IL16: variants seen among roughly 807,000 people sequenced by gnomAD.
IL16 encodes interleukin 16.
Under a neutral mutation model 110.1 loss-of-function variants are expected in IL16, and 67 were observed. The observed-to-expected ratio is 0.61, with a 90% CI of 0.50 to 0.75. The LOEUF is 0.75. IL16 is among the 30% of genes least tolerant of loss of function. IL16 has a pLI of 0.00. For synonymous variants in IL16, 689 were observed against 662.9 expected, an observed-to-expected ratio of 1.04 and a Z score of -0.61; for missense variants, 1,545 against 1,655.0, an observed-to-expected ratio of 0.93 and a Z score of 1.15.
chr15:81,225,469 A>T lies in IL16; in HGVS notation c.70A>T (p.Met24Leu). 6.2e-7 allele frequency: 1 copy of T among 1,614,174 alleles called. No individual in the cohort carries two copies. The highest frequency in any genetic ancestry group is 8.5e-7 in the Non-Finnish European group (1 of 1,180,002). ...ATTTCGGTCCATCTCCAGGTCCCTG[A>T]TGCTCTGTAATGCTAAGACCAGTGA... ...AKFRSISRSL[M>L]LCNAKTSDDG... The change falls in exon 2 of 19, where the codon ATG (methionine) becomes TTG (leucine). Residue 24 changes from methionine to leucine, a missense_variant. Coordinates refer to ENST00000683961, the MANE Select transcript of IL16 (RefSeq NM_172217.5).
intron 2 of IL16, among the ~76,000 whole-genome samples, chr15:81,247,081 T>C (rs1249123314): frequency 3.4e-5 from 5 of 145,018 alleles, no homozygotes; most frequent in African/African-American, 5.0e-5. Flanking sequence ...TTTTCCTTTT[T>C]TTTTTTTTTT....
chr15:81,262,777 C>T (rs555302809), intron 3 of IL16, among the ~76,000 whole-genome samples: 1 of 151,964 alleles, frequency 6.6e-6, no homozygotes, highest in African/African-American at 2.4e-5. Flanking sequence ...ACTAAAAATA[C>T]AAAATTAGCC....
intron 13 of IL16, 189 bp from the exon 14 acceptor site, chr15:81,299,190 TC>T: frequency 1.2e-6 from 1 of 851,356 alleles, no homozygotes; most frequent in Non-Finnish European, 2.0e-6. Context: ...CTACTTCTGG[TC>T]CTTCACTCCT....
chr15:81,218,421 A>C (rs1401369392), intron 1 of IL16, among the ~76,000 whole-genome samples: 1 of 152,204 alleles, frequency 6.6e-6, no homozygotes, highest in African/African-American at 2.4e-5. Flanking sequence ...TTTCTCCCCT[A>C]ATTCATCTAT....
At chr15:81,218,210 A>G (rs918781435) in intron 1 of IL16, among the ~76,000 whole-genome samples, 1 of 152,186 alleles carries the variant, frequency 6.6e-6, no homozygotes, top group East Asian at 1.9e-4. Context: ...TTATGTATAT[A>G]CAAAGACTAA....
intron 2 of IL16, among the ~76,000 whole-genome samples, chr15:81,226,069 T>A (rs572592718): frequency 6.6e-6 from 1 of 152,298 alleles, no homozygotes; most frequent in East Asian, 1.9e-4. Flanking sequence ...CACATCTTTC[T>A]TGTAGACTTA....
At chr15:81,234,900 C>A (rs944186331) in intron 2 of IL16, among the ~76,000 whole-genome samples, 2 of 152,202 alleles carry the variant, frequency 1.3e-5, no homozygotes, top group African/African-American at 4.8e-5. Context: ...CCAAGTTCAA[C>A]TGATTTCTTG....
chr15:81,245,724 C>CTTTTTTTTTTTTTTTTTTTTTTTTT (rs1009292228), intron 2 of IL16, among the ~76,000 whole-genome samples: 1 of 61,282 alleles, frequency 1.6e-5, no homozygotes, highest in African/African-American at 6.8e-5. Context: ...TTTGTTTTGG[C>CTTTTTTTTTTTTTTTTTTTTTTTTT]TTTTTTTTTT....
chr15:81,238,193 C>T (rs28839622), intron 2 of IL16, among the ~76,000 whole-genome samples: 398 of 152,298 alleles, frequency 2.6e-3, no homozygotes, highest in African/African-American at 9.0e-3. Flanking sequence ...TGAGCCACTG[C>T]GCCCGGCCTA....
At chr15:81,206,812 A>T (rs373466487) in intron 1 of IL16, among the ~76,000 whole-genome samples, 2 of 152,160 alleles carry the variant, frequency 1.3e-5, no homozygotes, top group East Asian at 3.9e-4. Context: ...TGTATTTCAC[A>T]ATTCCTGGGT....
At chr15:81,271,159 G>T (rs906759046) in intron 5 of IL16, among the ~76,000 whole-genome samples, 1 of 152,108 alleles carries the variant, frequency 6.6e-6, no homozygotes, top group Non-Finnish European at 1.5e-5. Flanking sequence ...GGGCGCACTG[G>T]CTCACGCCTA....
In IL16 at chr15:81,197,665, G is replaced by A. The variant is rs139482740; in HGVS notation, c.-102+513G>A. ...CTGCTTGCTTTTTGATAAGGGTCCC[G>A]TGACTAATTCCTGCATTGGTAGGTC... On this transcript the variant is annotated intron_variant, in intron 1 of 18. Transcript: ENST00000683961. Among the ~76,000 whole-genome samples, 404 of 152,256 alleles carry A rather than the reference G, an allele frequency of 2.7e-3. 4 individuals carry two copies. The highest frequency in any genetic ancestry group is 9.3e-3 in the African/African-American group (388 of 41,534).
At chr15:81,230,101 G>A (rs770076902) in intron 2 of IL16, among the ~76,000 whole-genome samples, 2 of 152,190 alleles carry the variant, frequency 1.3e-5, no homozygotes, top group Non-Finnish European at 2.9e-5. Context: ...AATCTGTGTT[G>A]TGCATGAAAG....
chr15:81,281,961 T>C (rs911958555), intron 8 of IL16, among the ~76,000 whole-genome samples: 5 of 152,188 alleles, frequency 3.3e-5, no homozygotes, highest in African/African-American at 1.2e-4. Context: ...GATGTGTTCA[T>C]AAAAATAGGA....
intron 3 of IL16, among the ~76,000 whole-genome samples, chr15:81,263,356 G>GGT: frequency 7.9e-6 from 1 of 126,858 alleles, no homozygotes; most frequent in Non-Finnish European, 1.7e-5. Flanking sequence ...ATTTTTTTTT[G>GGT]TTTTTTTTTT....
chr15:81,291,495 G>A (rs1173443196), intron 11 of IL16, among the ~76,000 whole-genome samples: 2 of 152,132 alleles, frequency 1.3e-5, no homozygotes, highest in African/African-American at 4.8e-5. Context: ...TGAGTTAGGA[G>A]CTTGGCTGGC....
intron 4 of IL16, 128 bp downstream of exon 4, chr15:81,265,929 T>A: frequency 1.2e-6 from 1 of 825,050 alleles, no homozygotes; most frequent in South Asian, 1.9e-5. Context: ...GAGGAGAGGG[T>A]CTCGCTTAGT....
intron 2 of IL16, among the ~76,000 whole-genome samples, chr15:81,234,417 T>A (rs937640229): frequency 6.6e-6 from 1 of 152,126 alleles, no homozygotes; most frequent in African/African-American, 2.4e-5. Context: ...TAGCTATAAT[T>A]TTTTTACTTT....
intron 12 of IL16, 115 bp downstream of exon 12, chr15:81,293,152 C>T (rs1899821763): frequency 8.7e-7 from 1 of 1,147,046 alleles, no homozygotes. Context: ...TCCTGCTCCA[C>T]CAGAGAGAAA....
Sources: allele counts gnomAD v4.1 joint callset (sites outside exome capture counted in the v4.1 genomes callset), GRCh38; gene constraint gnomAD v4.1.1; transcripts MANE v1.5; gene names NCBI Gene and HGNC (gene_info 2026-07-23, HGNC 2026-07-21).